ZNF227: variants seen among roughly 807,000 people sequenced by gnomAD.
The protein encoded by ZNF227 is zinc finger protein 227.
A neutral mutation model predicts 13.2 loss-of-function variants in ZNF227; 12 were observed. The observed-to-expected ratio is 0.91, with a 90% CI of 0.58 to 1.47. The LOEUF is 1.47. Ranked by LOEUF, ZNF227 falls within the 40% of genes most tolerant of loss-of-function variation. ZNF227 has a pLI of 0.00. For synonymous variants in ZNF227, 338 were observed against 326.0 expected, an observed-to-expected ratio of 1.04 and a Z score of -0.40; for missense variants, 885 against 967.5, an observed-to-expected ratio of 0.91 and a Z score of 1.13.
chr19:44,213,528 T>C (rs2122648667), intron 2 of ZNF227: 1 of 152,356 alleles, frequency 6.6e-6, no homozygotes, highest in East Asian at 1.9e-4. Context: ...CCCGAAGTTA[T>C]TCAACTGATA....
intron 3 of ZNF227, among the ~76,000 whole-genome samples, chr19:44,226,535 C>T (rs571976412): frequency 2.0e-5 from 3 of 152,314 alleles, no homozygotes; most frequent in Admixed American, 2.0e-4. Context: ...GACTGCTGTG[C>T]TAGCAATCAG....
chr19:44,234,617 T>C (rs1974211555), intron 5 of ZNF227, 85 bp from the exon 6 acceptor site: 3 of 1,270,678 alleles, frequency 2.4e-6, no homozygotes, highest in African/African-American at 3.0e-5. Context: ...CTTTCTCCCA[T>C]GGCCTAAGTG....
upstream of ZNF227, among the ~76,000 whole-genome samples, chr19:44,211,838 G>A (rs1318130812): frequency 6.9e-6 from 1 of 145,330 alleles, no homozygotes; most frequent in African/African-American, 2.5e-5. Context: ...TTTGGAAGTG[G>A]TGGGTATAAT....
chr19:44,219,772 T>TTTA (rs999475533), intron 3 of ZNF227, among the ~76,000 whole-genome samples: 3 of 150,818 alleles, frequency 2.0e-5, no homozygotes, highest in African/African-American at 7.3e-5. Flanking sequence ...TATTTATTTA[T>TTTA]TTATTTATTT....
chr19:44,235,262 T>G lies in ZNF227; in HGVS notation c.832T>G (p.Phe278Val), dbSNP rs145937188. 7 of 1,613,940 alleles carry G rather than the reference T, an allele frequency of 4.3e-6. No homozygotes were observed. In the African/African-American group the frequency reaches 9.3e-5, roughly 22 times the overall value. The stretch of plus-strand genomic sequence containing the variant: ...GAATGTTCATACAGGAGAAAAATGC[T>G]TCAGTCAAAGCTCACATCTGCGAAC... Reference protein sequence around the residue: ...HPNVHTGEKCFSQSSHLRTHQ... With the variant: ...HPNVHTGEKCVSQSSHLRTHQ... The change falls in exon 6 of 6, where the codon TTC becomes GTC. Residue 278 changes from phenylalanine to valine, a missense_variant. By Grantham distance (50) the Phe-to-Val change is conservative. Coordinates refer to ENST00000313040, the MANE Select transcript of ZNF227 (RefSeq NM_182490.3).
chr19:44,236,651 G>C lies in ZNF227; in HGVS notation c.2221G>C (p.Glu741Gln). 6.2e-7 allele frequency: 1 copy of C among 1,613,784 alleles called. No individual in the cohort carries two copies. Among genetic ancestry groups the C allele is most frequent in the Non-Finnish European group, 8.5e-7 (1 of 1,179,968 alleles). ...AGTCCACCTGGGTGTTCACACCAGG[G>C]AAAAACTCTTTAAATGTGAAGAGTG... ...LRVHLGVHTREKLFKCEECGK... is the reference protein window; with the variant it reads ...LRVHLGVHTRQKLFKCEECGK... The change falls in exon 6 of 6, where the codon GAA becomes CAA. Residue 741 changes from glutamate to glutamine, a missense_variant. Transcript: ENST00000313040.
Position 44,236,614 on chromosome 19 carries a change from C to G in ZNF227, c.2184C>G (p.Pro728=), listed in dbSNP as rs778748922. The change falls in exon 6 of 6, where the codon CCC becomes CCG. Residue 728 remains proline (P), a synonymous_variant. Transcript: ENST00000313040. The part of the protein sequence containing the change: ...CEECGKAFSL[P]SNLRVHLGVH... ...AGTGTGGTAAGGCCTTCAGTCTCCCCTCAAATCTTCGAGTCCACCTGGGTG... is the reference window on the plus strand; with the variant it reads ...AGTGTGGTAAGGCCTTCAGTCTCCCGTCAAATCTTCGAGTCCACCTGGGTG... 13 of 1,613,852 alleles carry G rather than the reference C, an allele frequency of 8.1e-6. No individual in the cohort carries two copies. The highest frequency in any genetic ancestry group is 1.0e-5 in the Non-Finnish European group (12 of 1,180,006).
In ZNF227 at chr19:44,236,929, A is replaced by G; in HGVS notation, c.*99A>G. 1.1e-6 allele frequency: 1 copy of G among 942,656 alleles called. No individual in the cohort carries two copies. Among genetic ancestry groups the G allele is most frequent in the Non-Finnish European group, 1.6e-6 (1 of 643,792 alleles). The allele number at this position is 942,656 out of a possible 1,614,324, so 58.4% of individuals were successfully genotyped here. On this transcript the variant is annotated 3_prime_UTR_variant, in exon 6 of 6. Coordinates refer to ENST00000313040, the MANE Select transcript of ZNF227 (RefSeq NM_182490.3). ...AACCCTGTAAAACTACTGAGAGTGGAAGGGGGTTTGTTCACACTTGGAATC... is the reference window on the plus strand; with the variant it reads ...AACCCTGTAAAACTACTGAGAGTGGGAGGGGGTTTGTTCACACTTGGAATC...
intron 3 of ZNF227, 147 bp downstream of exon 3, chr19:44,217,999 A>T: frequency 1.2e-6 from 1 of 860,198 alleles, no homozygotes; most frequent in Non-Finnish European, 1.8e-6. Flanking sequence ...TTTTTGTTTT[A>T]GTTTATCACC....
chr19:44,226,279 T>C (rs980421091), intron 3 of ZNF227, among the ~76,000 whole-genome samples: 1 of 152,236 alleles, frequency 6.6e-6, no homozygotes, highest in Non-Finnish European at 1.5e-5. Context: ...TCCAGCTGCA[T>C]GCTGGGAGAA....
chr19:44,231,458 G>A (rs1326526457), intron 5 of ZNF227, among the ~76,000 whole-genome samples: 1 of 151,516 alleles, frequency 6.6e-6, no homozygotes, highest in African/African-American at 2.4e-5. Flanking sequence ...TTAGCCTCCC[G>A]AGTAGCTGGG....
chr19:44,214,788 CT>C (rs59397656), intron 2 of ZNF227, among the ~76,000 whole-genome samples: 22,501 of 143,390 alleles, frequency 0.16, 4,002 homozygotes, highest in African/African-American at 0.43. Flanking sequence ...TTCCACCCCA[CT>C]TTTTTTTTTT....
chr19:44,216,958 G>GTTTTTTTTTTTTTTTTTTTTTTTTTT (rs35474532), intron 2 of ZNF227, among the ~76,000 whole-genome samples: 4 of 91,646 alleles, frequency 4.4e-5, no homozygotes, highest in Non-Finnish European at 6.2e-5. Flanking sequence ...TCATCTGCTT[G>GTTTTTTTTTTTTTTTTTTTTTTTTTT]TTTTTTTTTT....
intron 3 of ZNF227, among the ~76,000 whole-genome samples, chr19:44,224,361 CAG>C (rs924641075): frequency 2.0e-5 from 3 of 152,158 alleles, no homozygotes; most frequent in Non-Finnish European, 4.4e-5. Flanking sequence ...CTGATGCTGA[CAG>C]TGGGGTGTTA....
At chr19:44,228,220 C>T in intron 3 of ZNF227, 1 of 412,648 alleles carries the variant, frequency 2.4e-6, no homozygotes. Context: ...CAGAGTGAGA[C>T]TCCATCTCAA....
At chr19:44,229,902 G>A (rs888900221) in intron 5 of ZNF227, 86 bp downstream of exon 5, 1 of 906,898 alleles carries the variant, frequency 1.1e-6, no homozygotes, top group Admixed American at 3.1e-5. Flanking sequence ...TCCCTGGTCT[G>A]AGTGTTAAAA....
chr19:44,233,167 G>A (rs1168405866), intron 5 of ZNF227, among the ~76,000 whole-genome samples: 1 of 151,868 alleles, frequency 6.6e-6, no homozygotes, highest in Non-Finnish European at 1.5e-5. Context: ...TTAGGACTTG[G>A]TAAACCACCC....
chr19:44,237,073 C>G lies in ZNF227; in HGVS notation c.*243C>G, dbSNP rs151243067. The stretch of plus-strand genomic sequence containing the variant: ...AAGATCTAGTTAATATAAATGATCA[C>G]CTTTCATTGTGAATATATGCCTGAA... On this transcript the variant is annotated 3_prime_UTR_variant, in exon 6 of 6. Coordinates refer to ENST00000313040, the MANE Select transcript of ZNF227 (RefSeq NM_182490.3). 1.9e-3 allele frequency: 744 copies of G among 400,448 alleles called. 3 individuals carry two copies. The highest frequency in any genetic ancestry group is 0.014 in the African/African-American group (672 of 49,268). The allele number at this position is 400,448 out of a possible 1,614,324, so 24.8% of individuals were successfully genotyped here.
intron 3 of ZNF227, among the ~76,000 whole-genome samples, chr19:44,225,622 T>A (rs984552228): frequency 3.9e-5 from 6 of 152,214 alleles, no homozygotes; most frequent in Non-Finnish European, 8.8e-5. Context: ...CTCCATCAGC[T>A]CCTTTAAGCA....
Sources: allele counts gnomAD v4.1 joint callset (sites outside exome capture counted in the v4.1 genomes callset), GRCh38; gene constraint gnomAD v4.1.1; transcripts MANE v1.5; gene names NCBI Gene and HGNC (gene_info 2026-07-23, HGNC 2026-07-21).